Variants in KCNIP4 observed in about 807,000 individuals in gnomAD.
KCNIP4 encodes potassium voltage-gated channel interacting protein 4.
KCNIP4 carries 12 observed loss-of-function variants against 34.0 expected under a neutral mutation model. The ratio of observed to expected loss-of-function variants is 0.35; its 90% CI spans 0.23 to 0.57. The LOEUF (loss-of-function observed/expected upper bound fraction) is 0.57. KCNIP4 is among the 20% of genes least tolerant of loss of function. The pLI, the probability that KCNIP4 is intolerant of heterozygous loss-of-function variation, is 0.83. For synonymous variants in KCNIP4, 124 were observed against 102.2 expected, an observed-to-expected ratio of 1.21 and a Z score of -1.29; for missense variants, 238 against 311.7, an observed-to-expected ratio of 0.76 and a Z score of 1.78.
chr4:21,738,136 T>A (rs937047321), intron 1 of KCNIP4, among the ~76,000 whole-genome samples: 2 of 96,730 alleles, frequency 2.1e-5, no homozygotes, highest in South Asian at 2.8e-4. Context: ...AATAAATAAA[T>A]AATAAATAAA....
intron 1 of KCNIP4, among the ~76,000 whole-genome samples, chr4:21,278,013 G>C (rs761840655): frequency 2.0e-5 from 3 of 152,078 alleles, no homozygotes; most frequent in Admixed American, 2.0e-4. Flanking sequence ...GAAGAAAACT[G>C]TTCTCCTAAA....
intron 1 of KCNIP4, among the ~76,000 whole-genome samples, chr4:21,299,551 A>C (rs1560268206): frequency 6.6e-6 from 1 of 152,164 alleles, no homozygotes; most frequent in Non-Finnish European, 1.5e-5. Context: ...TAAACTTTAC[A>C]GTTTACAAAG....
At chr4:21,072,280 T>G (rs1003343766) in intron 1 of KCNIP4, among the ~76,000 whole-genome samples, 1 of 152,216 alleles carries the variant, frequency 6.6e-6, no homozygotes, top group African/African-American at 2.4e-5. Flanking sequence ...GTGTTCCTAT[T>G]TCTCCACATC....
chr4:21,103,890 C>T (rs1748211861), intron 1 of KCNIP4, among the ~76,000 whole-genome samples: 1 of 151,778 alleles, frequency 6.6e-6, no homozygotes, highest in Non-Finnish European at 1.5e-5. Flanking sequence ...CAATTTCATC[C>T]ATGTCCCTAC....
At chr4:21,619,236 A>G (rs1167968350) in intron 1 of KCNIP4, among the ~76,000 whole-genome samples, 1 of 152,208 alleles carries the variant, frequency 6.6e-6, no homozygotes, top group East Asian at 1.9e-4. Flanking sequence ...TCATTTCCAA[A>G]GTCACAAATT....
chr4:21,226,455 C>T (rs779722284), intron 1 of KCNIP4, among the ~76,000 whole-genome samples: 15 of 151,648 alleles, frequency 9.9e-5, no homozygotes, highest in African/African-American at 1.9e-4. Flanking sequence ...CAATTATGAA[C>T]GTGAAATTTG....
intron 1 of KCNIP4, among the ~76,000 whole-genome samples, chr4:21,709,193 A>G (rs1035432235): frequency 3.9e-5 from 6 of 152,206 alleles, no homozygotes; most frequent in Admixed American, 1.3e-4. Context: ...TAAAAAAAGA[A>G]TTAAAAAGAA....
chr4:21,089,989 C>T (rs1746841749), intron 1 of KCNIP4, among the ~76,000 whole-genome samples: 1 of 152,136 alleles, frequency 6.6e-6, no homozygotes, highest in Non-Finnish European at 1.5e-5. Flanking sequence ...CTGGAATATT[C>T]TGCGACTTGC....
At position 21,765,819 on chromosome 4, in the gene KCNIP4, G is replaced by GAAA. The variant is rs374486594; in HGVS notation, c.61+182749_61+182751dup. On this transcript the variant is annotated intron_variant, in intron 1 of 8. Coordinates refer to ENST00000382152, the MANE Select transcript of KCNIP4 (RefSeq NM_025221.6). ...CCCAGAGATCTTAGCACCAGGCCGT[G>GAAA]AAAAAAAAAAAAAAAAAAAACAAAC... is the stretch of plus-strand genomic sequence containing the variant. Among the ~76,000 whole-genome samples, 88 of 95,068 alleles carry GAAA rather than the reference G, an allele frequency of 9.3e-4. 1 individual carries two copies. The highest frequency in any genetic ancestry group is 7.0e-3 in the Middle Eastern group (1 of 142). 62.4% of individuals were successfully genotyped at this position (95,068 alleles called of 152,430 possible). A position where few individuals can be genotyped will look rare whatever the true frequency, so the allele number is the denominator to read the frequency against.
chr4:21,850,160 A>G (rs887049354), intron 1 of KCNIP4: 1 of 152,120 alleles, frequency 6.6e-6, no homozygotes, highest in Non-Finnish European at 1.5e-5. Flanking sequence ...AGAGATCTTT[A>G]TATTTGGTGC....
At chr4:21,934,542 C>T (rs111762249) in intron 1 of KCNIP4, among the ~76,000 whole-genome samples, 27 of 152,178 alleles carry the variant, frequency 1.8e-4, no homozygotes, top group African/African-American at 4.8e-4. Flanking sequence ...CTGTATATAA[C>T]ATAGAAACTC....
intron 1 of KCNIP4, among the ~76,000 whole-genome samples, chr4:21,328,518 C>T (rs1462446556): frequency 6.6e-6 from 1 of 152,120 alleles, no homozygotes; most frequent in Non-Finnish European, 1.5e-5. Context: ...TGAGTCAGAC[C>T]CAAAGACAGT....
chr4:21,425,934 G>A (rs986980589), intron 1 of KCNIP4, among the ~76,000 whole-genome samples: 1 of 151,980 alleles, frequency 6.6e-6, no homozygotes, highest in Non-Finnish European at 1.5e-5. Context: ...CATCTCTGTC[G>A]TCCCAGGTAC....
chr4:21,051,533 T>C (rs1216429661), intron 1 of KCNIP4, among the ~76,000 whole-genome samples: 1 of 152,196 alleles, frequency 6.6e-6, no homozygotes, highest in Non-Finnish European at 1.5e-5. Context: ...TGAATCATAA[T>C]GTGTGGGGGT....
intron 1 of KCNIP4, among the ~76,000 whole-genome samples, chr4:21,131,831 A>G (rs1251540112): frequency 6.6e-6 from 1 of 152,254 alleles, no homozygotes; most frequent in African/African-American, 2.4e-5. Context: ...ACTTTGGTAT[A>G]AACAATATGA....
At position 21,374,035 on chromosome 4, in the gene KCNIP4, C is replaced by T. The variant is rs989753541; in HGVS notation, c.62-491326G>A. ...TTTCTCATTTTTAGAATAGAAGCAA[C>T]ATTAGCACTATGTTAGTAAAATGCC... is the stretch of plus-strand genomic sequence containing the variant. On this transcript the variant is annotated intron_variant, in intron 1 of 8. Transcript: ENST00000382152. Among the ~76,000 whole-genome samples, 3 of 147,438 alleles carry T rather than the reference C, an allele frequency of 2.0e-5. No homozygotes were observed. In the South Asian group the frequency reaches 6.3e-4, roughly 31 times the overall value.
At chr4:21,856,446 C>T (rs1320448821) in intron 1 of KCNIP4, among the ~76,000 whole-genome samples, 1 of 152,206 alleles carries the variant, frequency 6.6e-6, no homozygotes, top group Non-Finnish European at 1.5e-5. Context: ...ATGCCGCATG[C>T]GGCGGGAGAG....
intron 1 of KCNIP4, among the ~76,000 whole-genome samples, chr4:21,226,607 T>C (rs1758427099): frequency 6.7e-6 from 1 of 150,298 alleles, no homozygotes; most frequent in African/African-American, 2.4e-5. Context: ...CACAATGAAA[T>C]GCTATAATAT....
chr4:21,406,700 G>A (rs774636992), intron 1 of KCNIP4, among the ~76,000 whole-genome samples: 16 of 152,192 alleles, frequency 1.1e-4, no homozygotes, highest in South Asian at 4.1e-4. Flanking sequence ...TTACTTGAGA[G>A]AGTAACTGGC....
Sources: gnomAD v4.1 joint callset for allele counts (sites outside exome capture counted in the v4.1 genomes callset) on GRCh38, gnomAD v4.1.1 for gene constraint, MANE v1.5 for transcripts, NCBI Gene and HGNC (gene_info 2026-07-23, HGNC 2026-07-21) for gene names.